The following NFIC variants were observed in gnomAD, a reference collection of about 807,000 sequenced individuals.
NFIC encodes the protein nuclear factor 1 C-type.
In NFIC, 12 loss-of-function variants were observed where a neutral mutation model predicts 54.4. The ratio of observed to expected loss-of-function variants is 0.22; its 90% CI spans 0.14 to 0.36. The LOEUF is 0.36. Ranked by LOEUF, NFIC falls within the 10% of genes least tolerant of loss-of-function variation. NFIC has a pLI of 1.00. For missense variants in NFIC, 575 were observed against 718.2 expected, an observed-to-expected ratio of 0.80 and a Z score of 2.28; for synonymous variants, 322 against 319.2, an observed-to-expected ratio of 1.01 and a Z score of -0.09.
intron 2 of NFIC, among the ~76,000 whole-genome samples, chr19:3,396,738 C>A (rs1332233915): frequency 6.6e-6 from 1 of 152,204 alleles, no homozygotes; most frequent in African/African-American, 2.4e-5. Context: ...GGTGGATCAC[C>A]TGAGATCAGG....
At chr19:3,422,708 C>G (rs538768378) in intron 2 of NFIC, among the ~76,000 whole-genome samples, 1 of 151,668 alleles carries the variant, frequency 6.6e-6, no homozygotes, top group Non-Finnish European at 1.5e-5. Context: ...CAGAGCGAGA[C>G]TCTGTCTCAA....
intron 2 of NFIC, among the ~76,000 whole-genome samples, chr19:3,409,612 A>G (rs2081717706): frequency 6.8e-6 from 1 of 147,484 alleles, no homozygotes; most frequent in Non-Finnish European, 1.5e-5. Flanking sequence ...CAGCCAGCGG[A>G]CGCAGGGAGT....
intron 1 of NFIC, among the ~76,000 whole-genome samples, chr19:3,380,670 C>T (rs1389593953): frequency 2.2e-5 from 3 of 139,074 alleles, no homozygotes; most frequent in South Asian, 2.3e-4. Flanking sequence ...CTTGCTCTGT[C>T]GCCCAGGCTG....
chr19:3,440,162 C>A (rs1427498804), intron 6 of NFIC, among the ~76,000 whole-genome samples: 1 of 152,076 alleles, frequency 6.6e-6, no homozygotes. Context: ...CAGGGAGAAT[C>A]GTGGTTTGAG....
chr19:3,363,901 G>A (rs148187067), upstream of NFIC, among the ~76,000 whole-genome samples: 526 of 152,318 alleles, frequency 3.5e-3, 2 homozygotes, highest in South Asian at 0.01. Flanking sequence ...CAGTGCCAAG[G>A]GGGAGAGCTC....
intron 9 of NFIC, among the ~76,000 whole-genome samples, chr19:3,456,218 C>T (rs1012660663): frequency 1.3e-5 from 2 of 152,364 alleles, no homozygotes; most frequent in East Asian, 1.9e-4. Flanking sequence ...CAGGACCGGG[C>T]GGGCGCTGCC....
chr19:3,396,193 C>T (rs1170534348), intron 2 of NFIC, among the ~76,000 whole-genome samples: 3 of 152,054 alleles, frequency 2.0e-5, no homozygotes, highest in Admixed American at 6.6e-5. Context: ...GTTTCCGGGC[C>T]GGGCGCGGCG....
intron 1 of NFIC, among the ~76,000 whole-genome samples, chr19:3,379,006 C>T (rs2081153461): frequency 6.6e-6 from 1 of 152,158 alleles, no homozygotes; most frequent in Admixed American, 6.6e-5. Context: ...CTCAGCCAGG[C>T]CTGTCTGTAC....
chr19:3,435,516 A>G (rs1226217749), intron 6 of NFIC, among the ~76,000 whole-genome samples: 1 of 152,226 alleles, frequency 6.6e-6, no homozygotes, highest in African/African-American at 2.4e-5. Flanking sequence ...TGGACTCAGT[A>G]GTGACTCTGA....
At chr19:3,404,938 AC>A (rs2081621382) in intron 2 of NFIC, among the ~76,000 whole-genome samples, 1 of 152,124 alleles carries the variant, frequency 6.6e-6, no homozygotes, top group African/African-American at 2.4e-5. Context: ...CGAGGCCAGC[AC>A]TGGGCCTCCA....
chr19:3,422,073 A>G (rs1225114758), intron 2 of NFIC, among the ~76,000 whole-genome samples: 3 of 151,994 alleles, frequency 2.0e-5, no homozygotes, highest in Non-Finnish European at 4.4e-5. Flanking sequence ...AGTAGCTGGG[A>G]TTACAGGCAT....
Position 3,435,218 on chromosome 19 carries a change from T to G in NFIC, c.958+11T>G, listed in dbSNP as rs1159951945. 1 of 1,569,640 alleles carries G rather than the reference T, an allele frequency of 6.4e-7. No individual in the cohort carries two copies. ...AGGACATGGAAGGAGGTAGGGCTGG[T>G]GGCGGGGGCGGAGCCGGCCTTCCGG... On this transcript the variant is annotated intron_variant, in intron 6 of 10. Coordinates refer to ENST00000443272, the MANE Select transcript of NFIC (RefSeq NM_001245002.2).
intron 2 of NFIC, among the ~76,000 whole-genome samples, chr19:3,406,560 G>A (rs2081652376): frequency 6.6e-6 from 1 of 152,160 alleles, no homozygotes; most frequent in African/African-American, 2.4e-5. Flanking sequence ...TCTGTCCCCA[G>A]TACCTAGGAC....
chr19:3,429,908 A>G (rs2082094940), intron 3 of NFIC, among the ~76,000 whole-genome samples: 1 of 152,180 alleles, frequency 6.6e-6, no homozygotes, highest in Non-Finnish European at 1.5e-5. Context: ...AGAAGCCAAC[A>G]GTCACGGGGC....
chr19:3,450,175 C>T (rs565914373), intron 7 of NFIC, among the ~76,000 whole-genome samples: 1 of 147,500 alleles, frequency 6.8e-6, no homozygotes, highest in East Asian at 2.0e-4. Context: ...GAAACCCCGT[C>T]TCTACTAAAA....
At chr19:3,403,123 C>T (rs1233513170) in intron 2 of NFIC, among the ~76,000 whole-genome samples, 1 of 152,200 alleles carries the variant, frequency 6.6e-6, no homozygotes, top group Non-Finnish European at 1.5e-5. Flanking sequence ...TAATCACACT[C>T]ATTTGGCTGC....
At chr19:3,404,047 C>A (rs893512354) in intron 2 of NFIC, among the ~76,000 whole-genome samples, 11 of 151,580 alleles carry the variant, frequency 7.3e-5, no homozygotes, top group African/African-American at 2.7e-4. Flanking sequence ...CCCCCCATCC[C>A]TTCCCGAACC....
chr19:3,442,937 G>A (rs903779149), intron 6 of NFIC, among the ~76,000 whole-genome samples: 1 of 152,232 alleles, frequency 6.6e-6, no homozygotes, highest in Non-Finnish European at 1.5e-5. Flanking sequence ...CACCCAGGGC[G>A]ATGCTGCCCC....
rs754404318 is a variant in NFIC at position 3,429,134 on chromosome 19, T to TACACACACACACACAC, written c.634+3958_634+3959insCACACACACACACACA. Among the ~76,000 whole-genome samples the TACACACACACACACAC allele has an allele frequency of 3.0e-5, 2 of 67,162 alleles. 1 individual carries two copies. The highest frequency in any genetic ancestry group is 5.5e-5 in the Non-Finnish European group (2 of 36,466). 44.1% of individuals were successfully genotyped at this position (67,162 alleles called of 152,430 possible). ...ACCCTATCTCTACCCAAAAAAAAAA[T>TACACACACACACACAC]ATACACACACACACACACACACACA... is the stretch of plus-strand genomic sequence containing the variant. On this transcript the variant is annotated intron_variant, in intron 3 of 10. Transcript: ENST00000443272.
Sources: gnomAD v4.1 joint callset for allele counts (sites outside exome capture counted in the v4.1 genomes callset) on GRCh38, gnomAD v4.1.1 for gene constraint, MANE v1.5 for transcripts, NCBI Gene and HGNC (gene_info 2026-07-23, HGNC 2026-07-21) for gene names.